Variants in TNPO2 observed in about 807,000 individuals in gnomAD.
The protein encoded by TNPO2 is transportin 2.
In TNPO2, 16 loss-of-function variants were observed where a neutral mutation model predicts 111.1. That is an observed-to-expected ratio of 0.14 (90% CI 0.10 to 0.22). TNPO2 has a LOEUF of 0.22. TNPO2 is among the 10% of genes least tolerant of loss of function. The pLI, the probability that TNPO2 is intolerant of heterozygous loss-of-function variation, is 1.00. For missense variants in TNPO2, 530 were observed against 1,173.7 expected (o/e 0.45, Z 8.01); for synonymous variants, 481 against 475.8 (o/e 1.01, Z -0.14).
At chr19:12,712,249 C>T (rs958886879) in intron 10 of TNPO2, among the ~76,000 whole-genome samples, 6 of 151,958 alleles carry the variant, frequency 3.9e-5, no homozygotes, top group South Asian at 2.1e-4. Context: ...TCTGGGAAGA[C>T]GCCCGTTACC....
chr19:12,722,449 G>A (rs1393842408), intron 2 of TNPO2: 1 of 151,016 alleles, frequency 6.6e-6, no homozygotes, highest in Non-Finnish European at 1.5e-5. Context: ...GGGCCAAGAG[G>A]GTCGGGCTCT....
chr19:12,705,788 T>C lies in TNPO2; in HGVS notation c.1669-20A>G, dbSNP rs372756152. ...GTATTCCTGGAGAGGGAGCACGAAA[T>C]GGGCGCTCCCTGGGTCGGGGTGGCA... is the stretch of plus-strand genomic sequence containing the variant. On this transcript the variant is annotated intron_variant, in intron 15 of 25. Transcript: ENST00000425528. The surrounding 1 kb of genome is among the most constrained non-coding windows in gnomAD (Gnocchi z 7.2). 2,051 of 1,446,474 alleles carry C rather than the reference T, an allele frequency of 1.4e-3. 3 individuals carry two copies. Among genetic ancestry groups the C allele is most frequent in the Non-Finnish European group, 1.7e-3 (1,840 of 1,092,838 alleles). 89.6% of individuals were successfully genotyped at this position (1,446,474 alleles called of 1,614,324 possible). A position where few individuals can be genotyped will look rare whatever the true frequency, so the allele number is the denominator to read the frequency against.
rs937355584 is a variant in TNPO2, at chr19:12,700,346, G to A, written c.*918C>T. 7.2e-5 allele frequency: 11 copies of A among 152,144 alleles called. No individual in the cohort carries two copies. The highest frequency in any genetic ancestry group is 2.4e-4 in the African/African-American group (10 of 41,402). 9.4% of individuals were successfully genotyped at this position (152,144 alleles called of 1,614,324 possible). On this transcript the variant is annotated 3_prime_UTR_variant, in exon 26 of 26. Coordinates refer to ENST00000425528, the MANE Select transcript of TNPO2 (RefSeq NM_001382241.1). ...AAGCTGCTTACAGAGAGAGATGCTC[G>A]GGGTAGGTGCCAGTAGCTCTGGCTA... is the stretch of plus-strand genomic sequence containing the variant.
chr19:12,719,386 G>T lies in TNPO2; in HGVS notation c.100-50C>A, dbSNP rs770768418. ...AAGACAGAGGCCTTCCCCCAGCCAG[G>T]TCCCCTCATTATGTACCTGACACTA... On this transcript the variant is annotated intron_variant, in intron 3 of 25. Coordinates refer to ENST00000425528, the MANE Select transcript of TNPO2 (RefSeq NM_001382241.1). The surrounding 1 kb of genome is among the most constrained non-coding windows in gnomAD (Gnocchi z 5.0). 5.9e-6 allele frequency: 9 copies of T among 1,536,098 alleles called. No individual in the cohort carries two copies. Among genetic ancestry groups the T allele is most frequent in the African/African-American group, 2.7e-5 (2 of 73,438 alleles).
In TNPO2 at chr19:12,705,567, A is replaced by T; in HGVS notation, c.1788T>A (p.Ser596Arg). 1 of 1,605,414 alleles carries T rather than the reference A, an allele frequency of 6.2e-7. No individual in the cohort carries two copies. ...CLSSVATALQ[S>R]GFLPYCEPVY... ...CGGGCTCACAGTAAGGCAGGAAGCCACTCTGCAGGGCGGTGGCCACCGATG... is the reference window on the plus strand; with the variant it reads ...CGGGCTCACAGTAAGGCAGGAAGCCTCTCTGCAGGGCGGTGGCCACCGATG... The change falls in exon 17 of 26, where the codon AGT (serine) becomes AGA (arginine). Residue 596 changes from serine to arginine, a missense_variant. This residue lies in a region of TNPO2 where 183 missense variants were observed against 481.0 expected (regional missense o/e 0.38). Transcript: ENST00000425528. The surrounding 1 kb of genome is among the most constrained non-coding windows in gnomAD (Gnocchi z 7.2).
rs1326260503 is a variant in TNPO2 at position 12,703,818 on chromosome 19, G to A, written c.2023-17C>T. 1.3e-6 allele frequency: 2 copies of A among 1,563,100 alleles called. No individual in the cohort carries two copies. Among genetic ancestry groups the A allele is most frequent in the Non-Finnish European group, 1.7e-6 (2 of 1,153,374 alleles). ...CATCGAGTCCTGGGGATTCAAGTAA[G>A]ATCAGTGTGGCTAGGCTCCCCTCCT... On this transcript the variant is annotated splice_polypyrimidine_tract_variant and intron_variant, in intron 18 of 25. Coordinates refer to ENST00000425528, the MANE Select transcript of TNPO2 (RefSeq NM_001382241.1).
At position 12,702,103 on chromosome 19, in the gene TNPO2, C is replaced by A; in HGVS notation, c.2380G>T (p.Ala794Ser). 6.2e-7 allele frequency: 1 copy of A among 1,613,492 alleles called. No individual in the cohort carries two copies. Among genetic ancestry groups the A allele is most frequent in the African/African-American group, 1.3e-5 (1 of 75,034 alleles). ...CGGATGAACTGCTGCAGCATGGGTGCCACCTCCTGGGGGCACACGTAGCCC... is the reference window on the plus strand; with the variant it reads ...CGGATGAACTGCTGCAGCATGGGTGACACCTCCTGGGGGCACACGTAGCCC... ...RLGYVCPQEVAPMLQQFIRPW... is the reference protein window; with the variant it reads ...RLGYVCPQEVSPMLQQFIRPW... The change falls in exon 22 of 26, where the codon GCA becomes TCA. Residue 794 changes from alanine (A) to serine (S), a missense_variant. This residue lies in a region of TNPO2 where 103 missense variants were observed against 156.7 expected (regional missense o/e 0.66). Transcript: ENST00000425528. The surrounding 1 kb of genome is among the most constrained non-coding windows in gnomAD (Gnocchi z 5.5).
Position 12,719,121 on chromosome 19 carries a change from T to C in TNPO2, c.233A>G (p.Tyr78Cys). 6.2e-7 allele frequency: 1 copy of C among 1,613,972 alleles called. No individual in the cohort carries two copies. The highest frequency in any genetic ancestry group is 8.5e-7 in the Non-Finnish European group (1 of 1,179,890). The part of the protein sequence containing the change: ...LILKNNVKAH[Y>C]QSFPPPVADF... Reference sequence around the variant, plus strand: ...TGCCACAGGGGGTGGGAAGCTCTGATAGTGTGCCTTCACGTTGTTCTTGAG... The same window carrying C: ...TGCCACAGGGGGTGGGAAGCTCTGACAGTGTGCCTTCACGTTGTTCTTGAG... The change falls in exon 5 of 26, where the codon TAT becomes TGT. Residue 78 changes from tyrosine (Y) to cysteine (C), a missense_variant. Around this residue, in one of 4 missense-constraint regions of TNPO2, gnomAD observed 156 missense variants for 405.8 expected, o/e 0.38. Coordinates refer to ENST00000425528, the MANE Select transcript of TNPO2 (RefSeq NM_001382241.1). The surrounding 1 kb of genome is among the most constrained non-coding windows in gnomAD (Gnocchi z 5.0).
intron 13 of TNPO2, among the ~76,000 whole-genome samples, chr19:12,708,638 A>G (rs28478248): frequency 0.14 from 20,563 of 151,780 alleles, 4,192 homozygotes; most frequent in African/African-American, 0.44. Flanking sequence ...AAGCTGAGGC[A>G]GATGGATCAC....
chr19:12,710,956 G>A (rs1383739332), intron 12 of TNPO2, among the ~76,000 whole-genome samples, 183 bp from the exon 13 acceptor site: 1 of 152,074 alleles, frequency 6.6e-6, no homozygotes, highest in Non-Finnish European at 1.5e-5. Context: ...GTGCAGTGGC[G>A]CTATCTCGGC....
Position 12,702,914 on chromosome 19 carries a change from T to A in TNPO2, c.2214A>T (p.Ala738=), listed in dbSNP as rs530002038. 6.2e-7 allele frequency: 1 copy of A among 1,613,778 alleles called. No homozygotes were observed. Among genetic ancestry groups the A allele is most frequent in the South Asian group, 1.1e-5 (1 of 91,074 alleles). Residue 738 remains alanine, a synonymous_variant, in exon 21 of 26, where the codon GCA becomes GCT. Transcript: ENST00000425528. The surrounding 1 kb of genome is among the most constrained non-coding windows in gnomAD (Gnocchi z 5.5). ...AIGEICMQMG[A]EMQPYVQMVL... Reference sequence around the variant, plus strand: ...CCATCTGCACATAAGGCTGCATCTCTGCCCCTGGGGGAGCACCCAGTCAGA... The same window carrying A: ...CCATCTGCACATAAGGCTGCATCTCAGCCCCTGGGGGAGCACCCAGTCAGA...
chr19:12,713,881 T>C (rs2026211645), intron 10 of TNPO2, among the ~76,000 whole-genome samples: 1 of 152,000 alleles, frequency 6.6e-6, no homozygotes, highest in East Asian at 1.9e-4. Context: ...TTAGAAAAGA[T>C]TAGCTAGGTG....
chr19:12,711,048 C>A (rs1188253661), intron 12 of TNPO2, among the ~76,000 whole-genome samples: 1 of 152,174 alleles, frequency 6.6e-6, no homozygotes, highest in Non-Finnish European at 1.5e-5. Flanking sequence ...GCGCCCGACA[C>A]CACGCCCGAC....
At chr19:12,713,798 CAGG>C (rs1271922551) in intron 10 of TNPO2, among the ~76,000 whole-genome samples, 2 of 152,118 alleles carry the variant, frequency 1.3e-5, no homozygotes, top group Non-Finnish European at 2.9e-5. Flanking sequence ...GAGACCAAGA[CAGG>C]AGGACTGCTT....
chr19:12,701,111 G>A lies in TNPO2; in HGVS notation c.*153C>T, dbSNP rs898906226. ...GGGCAAGTGGACGGATGGACGGACG[G>A]ACGGACGGACGGGGAAGGCATCTGG... On this transcript the variant is annotated 3_prime_UTR_variant, in exon 26 of 26. Coordinates refer to ENST00000425528, the MANE Select transcript of TNPO2 (RefSeq NM_001382241.1). The surrounding 1 kb of genome is among the most constrained non-coding windows in gnomAD (Gnocchi z 5.0). 2 of 478,800 alleles carry A rather than the reference G, an allele frequency of 4.2e-6. No individual in the cohort carries two copies. The highest frequency in any genetic ancestry group is 7.4e-6 in the Non-Finnish European group (2 of 268,732). 29.7% of individuals were successfully genotyped at this position (478,800 alleles called of 1,614,324 possible).
Position 12,701,009 on chromosome 19 carries a change from G to A in TNPO2, c.*255C>T, listed in dbSNP as rs1033613494. ...CAGAGATGACCCTATTAGAGCCCAG[G>A]GGCCCTTGCCCACCAGAAGTCCCCC... On this transcript the variant is annotated 3_prime_UTR_variant, in exon 26 of 26. Coordinates refer to ENST00000425528, the MANE Select transcript of TNPO2 (RefSeq NM_001382241.1). The surrounding 1 kb of genome is among the most constrained non-coding windows in gnomAD (Gnocchi z 5.0). 1 of 281,508 alleles carries A rather than the reference G, an allele frequency of 3.6e-6. No homozygotes were observed. 17.4% of individuals were successfully genotyped at this position (281,508 alleles called of 1,614,324 possible).
At position 12,720,972 on chromosome 19, in the gene TNPO2, G is replaced by A; in HGVS notation, c.6C>T (p.Asp2=). Reference sequence around the variant, plus strand: ...GCAGGCCCTGCTCGTCTGGCTGCCAGTCCATGGCGCAAGGCAAGCTGCGGA... The same window carrying A: ...GCAGGCCCTGCTCGTCTGGCTGCCAATCCATGGCGCAAGGCAAGCTGCGGA... M[D]WQPDEQGLQQ... is the part of the protein sequence containing the mutation. Residue 2 remains aspartate (D), a synonymous_variant, in exon 3 of 26, where the codon GAC becomes GAT. Coordinates refer to ENST00000425528, the MANE Select transcript of TNPO2 (RefSeq NM_001382241.1). 6.3e-7 allele frequency: 1 copy of A among 1,583,870 alleles called. No individual in the cohort carries two copies. Among genetic ancestry groups the A allele is most frequent in the East Asian group, 2.3e-5 (1 of 43,514 alleles).
intron 13 of TNPO2, among the ~76,000 whole-genome samples, chr19:12,710,073 A>C (rs1243927721): frequency 6.6e-6 from 1 of 152,026 alleles, no homozygotes; most frequent in Admixed American, 6.6e-5. Context: ...TCCCACCGGG[A>C]CCATGGGAGC....
rs1326461849 is a variant in TNPO2 at position 12,700,396 on chromosome 19, G to T, written c.*868C>A. On this transcript the variant is annotated 3_prime_UTR_variant, in exon 26 of 26. Coordinates refer to ENST00000425528, the MANE Select transcript of TNPO2 (RefSeq NM_001382241.1). ...ACACCCAGCTCTCTTCAGGAAAAAG[G>T]TCCCAACCCAGTGTCTTCAAAAGCC... 1 of 152,220 alleles carries T rather than the reference G, an allele frequency of 6.6e-6. No homozygotes were observed. Among genetic ancestry groups the T allele is most frequent in the African/African-American group, 2.4e-5 (1 of 41,418 alleles). The allele number at this position is 152,220 out of a possible 1,614,324, so 9.4% of individuals were successfully genotyped here.
Sources: allele counts gnomAD v4.1 joint callset (sites outside exome capture counted in the v4.1 genomes callset), GRCh38; gene constraint gnomAD v4.1.1; regional missense constraint gnomAD v4.1.1; non-coding constraint Gnocchi (gnomAD v3.1); transcripts MANE v1.5; gene names NCBI Gene and HGNC (gene_info 2026-07-23, HGNC 2026-07-21).